Variants in HEATR4 observed in about 807,000 individuals in gnomAD.
HEATR4 encodes HEAT repeat containing 4.
Under a neutral mutation model 108.8 loss-of-function variants are expected in HEATR4, and 95 were observed. The observed-to-expected ratio is 0.87, with a 90% CI of 0.74 to 1.04. HEATR4 has a LOEUF of 1.04. Ranked by LOEUF, HEATR4 falls within the 50% of genes least tolerant of loss-of-function variation. The probability of loss-of-function intolerance (pLI) is 0.00; values close to 1 mark genes in which losing one functional copy is unlikely to be tolerated. For synonymous variants in HEATR4, 443 were observed against 459.4 expected (o/e 0.96, Z 0.46); for missense variants, 1,152 against 1,253.8 (o/e 0.92, Z 1.23).
chr14:73,597,098 T>A, the HEATR4 span, among the ~76,000 whole-genome samples: 157 of 107,446 alleles, frequency 1.5e-3, no homozygotes, highest in African/African-American at 5.4e-3. Flanking sequence ...TTATTTATTT[T>A]TTTGAGATAG....
At chr14:73,493,729 T>C (rs748776786) in intron 16 of HEATR4, among the ~76,000 whole-genome samples, 3 of 152,046 alleles carry the variant, frequency 2.0e-5, no homozygotes, top group Non-Finnish European at 4.4e-5. Flanking sequence ...TCCCAGCTAC[T>C]AGGGGGGCTG....
At chr14:73,510,444 T>C (rs1294798796) in intron 7 of HEATR4, among the ~76,000 whole-genome samples, 1 of 150,322 alleles carries the variant, frequency 6.7e-6, no homozygotes, top group African/African-American at 2.4e-5. Context: ...TTGTTTTTGT[T>C]TTTTTTTTGA....
chr14:73,551,158 C>T lies in HEATR4; in HGVS notation c.-152+7593G>A, dbSNP rs1183567017. Among the ~76,000 whole-genome samples, 11 of 107,166 alleles carry T rather than the reference C, an allele frequency of 1.0e-4. 3 individuals carry two copies. Among genetic ancestry groups the T allele is most frequent in the African/African-American group, 2.4e-4 (8 of 33,132 alleles). The allele number at this position is 107,166 out of a possible 152,430, so 70.3% of individuals were successfully genotyped here. A position where few individuals can be genotyped will look rare whatever the true frequency, so the allele number is the denominator to read the frequency against. On this transcript the variant is annotated intron_variant, in intron 1 of 17. Transcript: ENST00000553558. ...CAGCCTGAGTGACAGTGTGAGACTCCGTCTCAAAAAAAAAAAAAAGAATGC... is the reference window on the plus strand; with the variant it reads ...CAGCCTGAGTGACAGTGTGAGACTCTGTCTCAAAAAAAAAAAAAAGAATGC...
At chr14:73,592,532 A>G in the HEATR4 span, 1 of 1,257,252 alleles carries the variant, frequency 8.0e-7, no homozygotes. Context: ...GCTAACATTG[A>G]CTATGTCAGT....
the HEATR4 span, chr14:73,592,522 G>C: frequency 7.6e-7 from 1 of 1,317,062 alleles, no homozygotes; most frequent in Non-Finnish European, 1.0e-6. Flanking sequence ...GATCAGAGAA[G>C]CTAACATTGA....
At chr14:73,566,287 C>G in the HEATR4 span, among the ~76,000 whole-genome samples, 62 of 151,904 alleles carry the variant, frequency 4.1e-4, no homozygotes, top group Middle Eastern at 3.4e-3. Context: ...GGATCGTGCA[C>G]TGGGGCTGCA....
intron 10 of HEATR4, among the ~76,000 whole-genome samples, chr14:73,504,921 T>G (rs912493804): frequency 1.3e-5 from 2 of 152,116 alleles, no homozygotes; most frequent in African/African-American, 4.8e-5. Flanking sequence ...CCCCACCATC[T>G]TCACCGACAG....
At chr14:73,540,480 G>A (rs1889040252) in intron 1 of HEATR4, among the ~76,000 whole-genome samples, 1 of 111,674 alleles carries the variant, frequency 9.0e-6, no homozygotes, top group African/African-American at 3.1e-5. Flanking sequence ...CCAAACCACT[G>A]TTGAGTGAAA....
chr14:73,496,598 T>C lies in HEATR4; in HGVS notation c.2625+3A>G, dbSNP rs1886122187. 2 of 1,582,672 alleles carry C rather than the reference T, an allele frequency of 1.3e-6. No individual in the cohort carries two copies. The highest frequency in any genetic ancestry group is 1.7e-6 in the Non-Finnish European group (2 of 1,151,524). ...CTTGAGAACAGAGCTTGCACTTATT[T>C]ACCCTGTTCTTGATCTCCTGAAGCA... On this transcript the variant is annotated splice_donor_region_variant and intron_variant, in intron 15 of 17. Transcript: ENST00000553558.
At chr14:73,567,284 G>A in the HEATR4 span, among the ~76,000 whole-genome samples, 1 of 151,966 alleles carries the variant, frequency 6.6e-6, no homozygotes, top group Non-Finnish European at 1.5e-5. Flanking sequence ...AAATTCTCTG[G>A]GCCTTAATTT....
chr14:73,492,419 G>C lies in HEATR4; in HGVS notation c.2844+647C>G. 1 of 1,613,772 alleles carries C rather than the reference G, an allele frequency of 6.2e-7. No individual in the cohort carries two copies. Among genetic ancestry groups the C allele is most frequent in the South Asian group, 1.1e-5 (1 of 91,070 alleles). On this transcript the variant is annotated intron_variant, in intron 17 of 17. Coordinates refer to ENST00000553558, the MANE Select transcript of HEATR4 (RefSeq NM_001220484.1). This position sits in a 1 kb window ranked among gnomAD's most constrained non-coding sequence, Gnocchi z 4.9. Reference sequence around the variant, plus strand: ...GGATTACATGGGGGCCCAGCATTCAGATTCTAAGGATCCGCGAAGAACCGC... The same window carrying C: ...GGATTACATGGGGGCCCAGCATTCACATTCTAAGGATCCGCGAAGAACCGC...
At chr14:73,501,706 C>G (rs919532578) in intron 11 of HEATR4, among the ~76,000 whole-genome samples, 2 of 151,352 alleles carry the variant, frequency 1.3e-5, no homozygotes, top group Non-Finnish European at 2.9e-5. Flanking sequence ...TCCCAAGTAG[C>G]TGGGACTACA....
At chr14:73,491,329 G>A in intron 17 of HEATR4, 1 of 1,472,638 alleles carries the variant, frequency 6.8e-7, no homozygotes, top group Non-Finnish European at 9.0e-7. Flanking sequence ...GGCCCGCAGA[G>A]CTGCTGGAGG....
the HEATR4 span, among the ~76,000 whole-genome samples, chr14:73,621,082 G>A: frequency 6.6e-6 from 1 of 151,818 alleles, no homozygotes; most frequent in Non-Finnish European, 1.5e-5. Context: ...GCAAGGTGGC[G>A]GGCACCTGTA....
Position 73,556,206 on chromosome 14 carries a change from C to A in HEATR4, c.-152+2545G>T, listed in dbSNP as rs1202433881. 1.8e-5 allele frequency among the ~76,000 whole-genome samples: 2 copies of A among 112,820 alleles called. 1 individual carries two copies. Among genetic ancestry groups the A allele is most frequent in the Non-Finnish European group, 3.9e-5 (2 of 51,562 alleles). 74.0% of individuals were successfully genotyped at this position (112,820 alleles called of 152,430 possible). A position where few individuals can be genotyped will look rare whatever the true frequency, so the allele number is the denominator to read the frequency against. ...TGGGAGGCTGAGGCAGGCAGATCAC[C>A]AGAGGTCAGCAGTTCAAGAGCAGCA... On this transcript the variant is annotated intron_variant, in intron 1 of 17. Coordinates refer to ENST00000553558, the MANE Select transcript of HEATR4 (RefSeq NM_001220484.1).
In HEATR4 at chr14:73,511,209, C is replaced by T. The variant is rs527681129; in HGVS notation, c.1558+797G>A. On this transcript the variant is annotated intron_variant, in intron 7 of 17. Coordinates refer to ENST00000553558, the MANE Select transcript of HEATR4 (RefSeq NM_001220484.1). ...GCCCAAGGAGTGGCACAGCTAAGCC[C>T]GTGAATCATATTTTAAGATTTTGTC... 1.7e-3 allele frequency among the ~76,000 whole-genome samples: 265 copies of T among 152,062 alleles called. 1 individual carries two copies. Among genetic ancestry groups the T allele is most frequent in the African/African-American group, 6.0e-3 (249 of 41,474 alleles).
chr14:73,601,899 T>G, the HEATR4 span, among the ~76,000 whole-genome samples: 6 of 152,034 alleles, frequency 3.9e-5, no homozygotes, highest in South Asian at 1.2e-3. Context: ...TGGTTATTTC[T>G]GTGGTCTACA....
At chr14:73,564,131 G>A in the HEATR4 span, among the ~76,000 whole-genome samples, 6 of 151,510 alleles carry the variant, frequency 4.0e-5, no homozygotes, top group Non-Finnish European at 7.4e-5. Context: ...AAACCCCGTC[G>A]TACTAAATAT....
At chr14:73,584,457 C>A in the HEATR4 span, among the ~76,000 whole-genome samples, 1 of 151,356 alleles carries the variant, frequency 6.6e-6, no homozygotes, top group African/African-American at 2.4e-5. Flanking sequence ...TGGTAACAAC[C>A]CCAGCCCAGA....
Sources: gnomAD v4.1 joint callset for allele counts (sites outside exome capture counted in the v4.1 genomes callset) on GRCh38, gnomAD v4.1.1 for gene constraint, Gnocchi (gnomAD v3.1) non-coding constraint, MANE v1.5 for transcripts, NCBI Gene and HGNC (gene_info 2026-07-23, HGNC 2026-07-21) for gene names.